PATJ: variants seen among roughly 807,000 people sequenced by gnomAD.
PATJ encodes inaD-like protein.
PATJ carries 190 observed loss-of-function variants against 224.9 expected under a neutral mutation model. The observed-to-expected ratio is 0.84, with a 90% confidence interval of 0.75 to 0.95. PATJ has a LOEUF of 0.95. Ranked by LOEUF, PATJ falls within the 40% of genes least tolerant of loss-of-function variation. The pLI, the probability that PATJ is intolerant of heterozygous loss-of-function variation, is 0.00. For synonymous variants in PATJ, 769 were observed against 820.3 expected (o/e 0.94, Z 1.07); for missense variants, 2,121 against 2,270.3 (o/e 0.93, Z 1.34).
chr1:62,015,478 CTG>C (rs1646720130), intron 28 of PATJ, among the ~76,000 whole-genome samples: 1 of 152,118 alleles, frequency 6.6e-6, no homozygotes. Flanking sequence ...GAAGGGGAAA[CTG>C]AGGCACAGAG....
chr1:61,999,008 G>A (rs1361441971), intron 28 of PATJ, among the ~76,000 whole-genome samples: 1 of 152,032 alleles, frequency 6.6e-6, no homozygotes, highest in East Asian at 1.9e-4. Context: ...TCTCCAGTGA[G>A]CCAAATTATC....
At chr1:61,774,986 T>G (rs1455260560) in intron 6 of PATJ, among the ~76,000 whole-genome samples, 1 of 152,202 alleles carries the variant, frequency 6.6e-6, no homozygotes, top group Non-Finnish European at 1.5e-5. Context: ...TTTTAATTAT[T>G]TGTGTTTTAG....
intron 24 of PATJ, among the ~76,000 whole-genome samples, chr1:61,906,133 C>A (rs1189624827): frequency 6.6e-6 from 1 of 152,038 alleles, no homozygotes; most frequent in Non-Finnish European, 1.5e-5. Flanking sequence ...ACACATTTAC[C>A]AGTTATACAA....
At chr1:61,969,945 C>T (rs561152681) in intron 27 of PATJ, among the ~76,000 whole-genome samples, 93 of 152,144 alleles carry the variant, frequency 6.1e-4, no homozygotes, top group Non-Finnish European at 1.2e-3. Context: ...CCGCCCGCCT[C>T]GGCCTCCCAA....
chr1:62,017,052 G>C (rs1266229972), intron 28 of PATJ, among the ~76,000 whole-genome samples: 1 of 152,186 alleles, frequency 6.6e-6, no homozygotes, highest in Non-Finnish European at 1.5e-5. Flanking sequence ...AGTCAAAACT[G>C]AATTTAAGGA....
chr1:61,910,155 T>C (rs1250704232), intron 25 of PATJ, among the ~76,000 whole-genome samples: 1 of 152,216 alleles, frequency 6.6e-6, no homozygotes, highest in African/African-American at 2.4e-5. Flanking sequence ...TTTGCCAAAT[T>C]ATACTTCCAA....
chr1:61,752,573 G>A (rs906132527), intron 1 of PATJ, among the ~76,000 whole-genome samples: 17 of 152,196 alleles, frequency 1.1e-4, no homozygotes, highest in South Asian at 2.1e-4. Context: ...CCTTGTGCCC[G>A]CCTCGGCCTC....
intron 28 of PATJ, chr1:62,013,405 C>G (rs1646568957): frequency 2.0e-6 from 2 of 985,208 alleles, no homozygotes; most frequent in East Asian, 2.3e-4. Context: ...AGCACCACTT[C>G]CATTCAGGAC....
chr1:62,038,268 C>T (rs1482115471), intron 30 of PATJ, among the ~76,000 whole-genome samples: 2 of 152,146 alleles, frequency 1.3e-5, no homozygotes, highest in Non-Finnish European at 2.9e-5. Context: ...CAAAGTTGCT[C>T]AAGGTCTCCT....
At chr1:62,158,550 T>C (rs932793007) in intron 43 of PATJ, among the ~76,000 whole-genome samples, 2 of 147,734 alleles carry the variant, frequency 1.4e-5, no homozygotes, top group Non-Finnish European at 3.0e-5. Flanking sequence ...AAAAACTCCG[T>C]CTCTACTAAA....
At chr1:61,756,042 C>G (rs1645620799) in intron 1 of PATJ, among the ~76,000 whole-genome samples, 1 of 152,190 alleles carries the variant, frequency 6.6e-6, no homozygotes, top group Non-Finnish European at 1.5e-5. Context: ...ATCCACCCAC[C>G]TTGGCCTTCC....
At chr1:61,750,772 C>T (rs976101215) in intron 1 of PATJ, among the ~76,000 whole-genome samples, 3 of 151,570 alleles carry the variant, frequency 2.0e-5, no homozygotes, top group Non-Finnish European at 4.4e-5. Flanking sequence ...AGTTCCAGGA[C>T]GTAGTGTGGT....
At chr1:61,926,070 A>G (rs1260842323) in intron 26 of PATJ, among the ~76,000 whole-genome samples, 1 of 152,236 alleles carries the variant, frequency 6.6e-6, no homozygotes, top group Non-Finnish European at 1.5e-5. Context: ...AGTGACAACC[A>G]GTTGTTTAGT....
chr1:62,020,167 CA>C (rs959541685), intron 29 of PATJ, among the ~76,000 whole-genome samples: 1,893 of 142,980 alleles, frequency 0.013, 37 homozygotes, highest in African/African-American at 0.043. Context: ...GACCTTGTCT[CA>C]AAAAAAAAAA....
intron 31 of PATJ, among the ~76,000 whole-genome samples, chr1:62,069,425 C>G (rs1657027941): frequency 6.6e-6 from 1 of 152,132 alleles, no homozygotes; most frequent in Non-Finnish European, 1.5e-5. Flanking sequence ...GTTGTGTACA[C>G]CAACAAATGG....
chr1:61,810,819 G>A (rs1181517486), intron 14 of PATJ, among the ~76,000 whole-genome samples: 6 of 152,102 alleles, frequency 3.9e-5, no homozygotes, highest in Non-Finnish European at 1.5e-5. Context: ...AGCTAGTCAG[G>A]AGGCTGAGGC....
rs1256611847 is a variant in PATJ at position 61,762,845 on chromosome 1, A to T, written c.-35-13A>T. On this transcript the variant is annotated splice_polypyrimidine_tract_variant and intron_variant, in intron 1 of 43. Coordinates refer to ENST00000642238, the MANE Select transcript of PATJ (RefSeq NM_001350145.3). Reference sequence around the variant, plus strand: ...TGAAATTCATCTTTTATATTGTTAAATTTTTTCTTTAGGTGTCTTTAAGAG... The same window carrying T: ...TGAAATTCATCTTTTATATTGTTAATTTTTTTCTTTAGGTGTCTTTAAGAG... The T allele has an allele frequency of 7.9e-7, 1 of 1,267,786 alleles. No individual in the cohort carries two copies. The highest frequency in any genetic ancestry group is 1.1e-6 in the Non-Finnish European group (1 of 906,824). The allele number at this position is 1,267,786 out of a possible 1,614,324, so 78.5% of individuals were successfully genotyped here. A position where few individuals can be genotyped will look rare whatever the true frequency, so the allele number is the denominator to read the frequency against.
At chr1:62,011,217 C>A (rs751594648) in intron 28 of PATJ, among the ~76,000 whole-genome samples, 1 of 152,228 alleles carries the variant, frequency 6.6e-6, no homozygotes, top group Non-Finnish European at 1.5e-5. Flanking sequence ...CACAACTTGG[C>A]TAACTGGTGC....
intron 27 of PATJ, among the ~76,000 whole-genome samples, chr1:61,951,642 T>A (rs539263862): frequency 3.3e-5 from 5 of 152,234 alleles, no homozygotes; most frequent in Admixed American, 2.0e-4. Context: ...CATTTTTTTT[T>A]TATATTTTTC....
Sources: allele counts gnomAD v4.1 joint callset (sites outside exome capture counted in the v4.1 genomes callset), GRCh38; gene constraint gnomAD v4.1.1; transcripts MANE v1.5; gene names NCBI Gene and HGNC (gene_info 2026-07-23, HGNC 2026-07-21).